The following GRID2 variants were observed in gnomAD, a reference collection of about 807,000 sequenced individuals.
The protein encoded by GRID2 is glutamate ionotropic receptor delta type subunit 2.
Under a neutral mutation model 114.8 loss-of-function variants are expected in GRID2, and 33 were observed. The observed-to-expected ratio is 0.29, with a 90% CI of 0.22 to 0.38. The LOEUF (loss-of-function observed/expected upper bound fraction) is 0.38. Ranked by LOEUF, GRID2 falls within the 10% of genes least tolerant of loss-of-function variation. The probability of loss-of-function intolerance (pLI) is 1.00; values close to 1 mark genes in which losing one functional copy is unlikely to be tolerated. For synonymous variants in GRID2, 505 were observed against 449.9 expected (o/e 1.12, Z -1.55); for missense variants, 1,184 against 1,257.7 (o/e 0.94, Z 0.89).
At chr4:92,506,409 G>A (rs555278937) in intron 1 of GRID2, among the ~76,000 whole-genome samples, 1 of 152,036 alleles carries the variant, frequency 6.6e-6, no homozygotes, top group African/African-American at 2.4e-5. Context: ...GTTGTATTAA[G>A]TACAATTTTA....
chr4:93,702,699 G>T (rs1394209863), intron 14 of GRID2, among the ~76,000 whole-genome samples: 5 of 152,090 alleles, frequency 3.3e-5, no homozygotes, highest in Admixed American at 2.0e-4. Context: ...GCAATTTCTG[G>T]AAGTTTCCCC....
chr4:92,614,316 G>A (rs78035915), intron 2 of GRID2, among the ~76,000 whole-genome samples: 1 of 151,530 alleles, frequency 6.6e-6, no homozygotes, highest in South Asian at 2.1e-4. Context: ...AGCAACTTAG[G>A]TTATTGACTT....
At chr4:92,746,058 A>G (rs922349267) in intron 2 of GRID2, among the ~76,000 whole-genome samples, 5 of 152,214 alleles carry the variant, frequency 3.3e-5, no homozygotes, top group African/African-American at 1.2e-4. Context: ...GCATCCAGCC[A>G]CTTTTTAACT....
intron 1 of GRID2, among the ~76,000 whole-genome samples, chr4:92,346,015 T>C (rs1727744784): frequency 6.6e-6 from 1 of 152,210 alleles, no homozygotes; most frequent in Non-Finnish European, 1.5e-5. Context: ...GAAAGACATT[T>C]CGTGTCAAAA....
chr4:92,465,460 A>T (rs1721705300), intron 1 of GRID2, among the ~76,000 whole-genome samples: 1 of 152,082 alleles, frequency 6.6e-6, no homozygotes, highest in South Asian at 2.1e-4. Flanking sequence ...CTTTTTATTG[A>T]TATTATGGAA....
Position 93,110,812 on chromosome 4 carries a change from G to C in GRID2, c.594G>C (p.Gln198His). Residue 198 changes from glutamine to histidine, a missense_variant, in exon 4 of 16, where the codon CAG becomes CAC. Gln to His is a conservative substitution (Grantham distance 24). This residue lies in a region of GRID2 where 455 missense variants were observed against 429.5 expected (regional missense o/e 1.06). Coordinates refer to ENST00000282020, the MANE Select transcript of GRID2 (RefSeq NM_001510.4). The stretch of plus-strand genomic sequence containing the variant: ...AGCAGGGAATGGATGTTGCACTTCA[G>C]AAGGTAGAAAACAACATCAATAAAA... ...VSQQGMDVAL[Q>H]KVENNINKMI... is the part of the protein sequence containing the mutation. The C allele has an allele frequency of 1.9e-6, 3 of 1,612,328 alleles. No homozygotes were observed. The highest frequency in any genetic ancestry group is 1.7e-6 in the Non-Finnish European group (2 of 1,178,384).
At chr4:92,823,841 G>T (rs1255408983) in intron 2 of GRID2, among the ~76,000 whole-genome samples, 2 of 152,108 alleles carry the variant, frequency 1.3e-5, no homozygotes, top group Non-Finnish European at 2.9e-5. Context: ...CTAGGAGTGT[G>T]CATTGTCCAC....
At chr4:92,363,006 G>A (rs1579241031) in intron 1 of GRID2, among the ~76,000 whole-genome samples, 1 of 151,778 alleles carries the variant, frequency 6.6e-6, no homozygotes, top group African/African-American at 2.4e-5. Flanking sequence ...TCAGAAGAGA[G>A]AGGAGAAAAA....
chr4:92,838,600 A>C (rs1339701020), intron 2 of GRID2, among the ~76,000 whole-genome samples: 1 of 152,156 alleles, frequency 6.6e-6, no homozygotes, highest in Non-Finnish European at 1.5e-5. Flanking sequence ...CAAAAGGCTG[A>C]ACAAGCTTGC....
intron 2 of GRID2, among the ~76,000 whole-genome samples, chr4:92,664,658 A>G (rs530198389): frequency 6.7e-6 from 1 of 150,102 alleles, no homozygotes; most frequent in Admixed American, 6.7e-5. Context: ...AACTACTTTT[A>G]TAGAACTGTC....
intron 1 of GRID2, among the ~76,000 whole-genome samples, chr4:92,469,423 A>G (rs1721911350): frequency 6.6e-6 from 1 of 152,164 alleles, no homozygotes; most frequent in South Asian, 2.1e-4. Flanking sequence ...CTGTATTTGC[A>G]TATAACCTAC....
At chr4:93,234,723 G>A (rs749356216) in intron 7 of GRID2, among the ~76,000 whole-genome samples, 1 of 151,156 alleles carries the variant, frequency 6.6e-6, no homozygotes, top group African/African-American at 2.4e-5. Context: ...AGAAAATGTG[G>A]TATTTTTCTG....
At chr4:92,587,191 A>G (rs10516910) in intron 1 of GRID2, among the ~76,000 whole-genome samples, 57,187 of 150,720 alleles carry the variant, frequency 0.38, 10,829 homozygotes, top group Middle Eastern at 0.46. Context: ...TGCTTTTCCC[A>G]TGAAGGTTAT....
intron 2 of GRID2, among the ~76,000 whole-genome samples, chr4:92,876,672 A>G (rs1300504663): frequency 6.6e-6 from 1 of 152,174 alleles, no homozygotes; most frequent in Non-Finnish European, 1.5e-5. Context: ...CTACCAGGAA[A>G]ATGGGTAAAA....
chr4:93,652,397 A>G (rs137922611), intron 14 of GRID2, among the ~76,000 whole-genome samples: 292 of 152,270 alleles, frequency 1.9e-3, no homozygotes, highest in African/African-American at 6.4e-3. Flanking sequence ...CAGACTGCAT[A>G]AAAAACAATG....
chr4:93,793,463 G>A (rs1375794513), intron 1 of GRID2, among the ~76,000 whole-genome samples: 1 of 152,024 alleles, frequency 6.6e-6, no homozygotes, highest in Non-Finnish European at 1.5e-5. Flanking sequence ...TGTTTTGTTA[G>A]GCAACTTCCA....
intron 10 of GRID2, 72 bp from the exon 11 acceptor site, chr4:93,455,590 G>T: frequency 2.0e-6 from 2 of 1,005,352 alleles, no homozygotes; most frequent in Non-Finnish European, 3.0e-6. Flanking sequence ...TTTCCTCGAG[G>T]CAAGCTGAAG....
intron 13 of GRID2, among the ~76,000 whole-genome samples, chr4:93,531,039 T>A (rs1180403268): frequency 1.3e-5 from 2 of 152,184 alleles, no homozygotes; most frequent in African/African-American, 4.8e-5. Context: ...CTGGTATGTT[T>A]ATGTAACTGA....
intron 13 of GRID2, among the ~76,000 whole-genome samples, chr4:93,578,587 ATT>A (rs59397408): frequency 0.15 from 12,640 of 82,754 alleles, 313 homozygotes; most frequent in Middle Eastern, 0.25. Flanking sequence ...TGTTTTTTGT[ATT>A]TTTTTTTTTT....
Sources: gnomAD v4.1 joint callset for allele counts (sites outside exome capture counted in the v4.1 genomes callset) on GRCh38, gnomAD v4.1.1 for gene constraint, gnomAD v4.1.1 regional missense constraint, MANE v1.5 for transcripts, NCBI Gene and HGNC (gene_info 2026-07-23, HGNC 2026-07-21) for gene names.